Variants in TNIP3 observed in about 807,000 individuals in gnomAD.
TNIP3 encodes the protein TNFAIP3-interacting protein 3.
A neutral mutation model predicts 54.1 loss-of-function variants in TNIP3; 34 were observed. That is an observed-to-expected ratio of 0.63 (90% CI 0.48 to 0.84). The LOEUF is 0.84. Ranked by LOEUF, TNIP3 falls within the 40% of genes least tolerant of loss-of-function variation. TNIP3 has a pLI of 0.00. For synonymous variants in TNIP3, 134 were observed against 136.8 expected, an observed-to-expected ratio of 0.98 and a Z score of 0.14; for missense variants, 366 against 387.6, an observed-to-expected ratio of 0.94 and a Z score of 0.47.
intron 2 of TNIP3, among the ~76,000 whole-genome samples, chr4:121,185,775 G>C (rs1724978309): frequency 6.6e-6 from 1 of 152,316 alleles, no homozygotes; most frequent in East Asian, 1.9e-4. Flanking sequence ...GGACACTCAA[G>C]CTCAGCTGGT....
chr4:121,131,786 C>T lies in TNIP3; in HGVS notation c.*845G>A, dbSNP rs904088680. ...AGTAGCTGGGTTTATAGGTGTGTGC[C>T]ACGAGCCTGGCTAATTTTTGTATTT... On this transcript the variant is annotated 3_prime_UTR_variant, in exon 11 of 11. Transcript: ENST00000057513. The T allele has an allele frequency of 6.6e-6, 1 of 151,782 alleles. No individual in the cohort carries two copies. The highest frequency in any genetic ancestry group is 1.5e-5 in the Non-Finnish European group (1 of 68,052). 9.4% of individuals were successfully genotyped at this position (151,782 alleles called of 1,614,324 possible).
In TNIP3 at chr4:121,204,330, T is replaced by A. The variant is rs1726063332; in HGVS notation, c.68+12085A>T. Among the ~76,000 whole-genome samples, 3 of 152,148 alleles carry A rather than the reference T, an allele frequency of 2.0e-5. No homozygotes were observed. The South Asian group carries it at 6.2e-4, about 31-fold the overall frequency. ...AGTCAAAAGAGTGCAACCATTTGCC[T>A]CTTATCTACCTATGGTCTGGAAGCT... is the stretch of plus-strand genomic sequence containing the variant. On this transcript the variant is annotated intron_variant, in intron 2 of 12. Coordinates refer to the TNIP3 transcript ENST00000507879.
At chr4:121,198,306 G>A (rs1167068348) in intron 2 of TNIP3, among the ~76,000 whole-genome samples, 1 of 152,154 alleles carries the variant, frequency 6.6e-6, no homozygotes, top group Non-Finnish European at 1.5e-5. Flanking sequence ...TCATTGTAAA[G>A]AATTGCATTT....
upstream of TNIP3, among the ~76,000 whole-genome samples, chr4:121,218,351 G>T (rs550406721): frequency 1.3e-5 from 2 of 152,196 alleles, no homozygotes; most frequent in Admixed American, 6.5e-5. Context: ...TGGTCTCAAA[G>T]ACATTAATTA....
chr4:121,164,538 G>A (rs113499064), upstream of TNIP3, among the ~76,000 whole-genome samples: 1,768 of 152,264 alleles, frequency 0.012, 28 homozygotes, highest in African/African-American at 0.039. Flanking sequence ...TGTTTCCTCA[G>A]TAGCCTAACT....
intron 2 of TNIP3, among the ~76,000 whole-genome samples, chr4:121,194,278 T>C (rs530607580): frequency 3.9e-5 from 6 of 152,302 alleles, no homozygotes; most frequent in African/African-American, 1.4e-4. Flanking sequence ...GAAAAAAATA[T>C]TTTTGTGCAC....
intron 2 of TNIP3, among the ~76,000 whole-genome samples, chr4:121,202,401 A>T (rs921848304): frequency 2.6e-5 from 4 of 152,212 alleles, no homozygotes; most frequent in African/African-American, 9.6e-5. Context: ...CTCACCTTAT[A>T]CAAAAATCAA....
chr4:121,215,292 C>T (rs575700713), intron 2 of TNIP3, among the ~76,000 whole-genome samples: 1 of 152,186 alleles, frequency 6.6e-6, no homozygotes, highest in East Asian at 1.9e-4. Context: ...GATCTCAGAA[C>T]CCTAGTTTAA....
intron 9 of TNIP3, among the ~76,000 whole-genome samples, chr4:121,140,366 A>AT (rs1729045841): frequency 6.6e-6 from 1 of 152,090 alleles, no homozygotes; most frequent in Non-Finnish European, 1.5e-5. Context: ...AAGAAAGAAA[A>AT]TGTAGGCCAT....
At chr4:121,204,459 C>T (rs866382263) in intron 2 of TNIP3, among the ~76,000 whole-genome samples, 17 of 152,128 alleles carry the variant, frequency 1.1e-4, no homozygotes, top group Admixed American at 2.0e-4. Flanking sequence ...TACAATCAAA[C>T]GGTGCGCTGA....
chr4:121,198,367 T>C (rs1181706101), intron 2 of TNIP3, among the ~76,000 whole-genome samples: 1 of 152,202 alleles, frequency 6.6e-6, no homozygotes, highest in East Asian at 1.9e-4. Context: ...TAGCATAAAC[T>C]TTCTGGTGCA....
intron 2 of TNIP3, among the ~76,000 whole-genome samples, chr4:121,205,724 G>C (rs909346434): frequency 6.6e-6 from 1 of 152,058 alleles, no homozygotes; most frequent in Middle Eastern, 3.2e-3. Flanking sequence ...GAGAGAAAAA[G>C]CTCAAGGATG....
chr4:121,215,182 C>T (rs1726714620), intron 2 of TNIP3, among the ~76,000 whole-genome samples: 1 of 151,924 alleles, frequency 6.6e-6, no homozygotes, highest in Non-Finnish European at 1.5e-5. Flanking sequence ...TTAATGGTAC[C>T]CCTTGTCAAG....
intron 7 of TNIP3, among the ~76,000 whole-genome samples, chr4:121,144,906 A>G (rs2148800342): frequency 6.6e-6 from 1 of 152,324 alleles, no homozygotes; most frequent in South Asian, 2.1e-4. Context: ...AGCATAGAAA[A>G]GTTAAATAAC....
At chr4:121,197,486 C>A (rs1173281832) in intron 2 of TNIP3, among the ~76,000 whole-genome samples, 1 of 144,308 alleles carries the variant, frequency 6.9e-6, no homozygotes, top group African/African-American at 2.6e-5. Context: ...AAGCCGAGAT[C>A]AGGCCACTGC....
At chr4:121,150,957 G>C (rs141651562) in intron 5 of TNIP3, among the ~76,000 whole-genome samples, 1 of 152,120 alleles carries the variant, frequency 6.6e-6, no homozygotes, top group Non-Finnish European at 1.5e-5. Context: ...CATGAGGAGA[G>C]GAAAGAAAGA....
At chr4:121,158,623 C>G in intron 3 of TNIP3, 64 bp downstream of exon 3, 1 of 1,298,398 alleles carries the variant, frequency 7.7e-7, no homozygotes. Context: ...TGAGACTCTT[C>G]ACACAATTGG....
At chr4:121,199,031 G>C (rs866356684) in intron 2 of TNIP3, among the ~76,000 whole-genome samples, 5 of 152,328 alleles carry the variant, frequency 3.3e-5, no homozygotes, top group Middle Eastern at 3.4e-3. Context: ...ACAATTAAGA[G>C]GAAGTTTAGT....
chr4:121,216,707 C>A (rs1315567836), upstream of TNIP3: 3 of 1,191,786 alleles, frequency 2.5e-6, no homozygotes, highest in Non-Finnish European at 3.3e-6. Context: ...GAAAGGTAAA[C>A]CACTGGGTGT....
Sources: allele counts gnomAD v4.1 joint callset (sites outside exome capture counted in the v4.1 genomes callset), GRCh38; gene constraint gnomAD v4.1.1; transcripts MANE v1.5; gene names NCBI Gene and HGNC (gene_info 2026-07-23, HGNC 2026-07-21).